The following PLCG2 variants were observed in gnomAD, a reference collection of about 807,000 sequenced individuals.
PLCG2 encodes the protein phospholipase C gamma 2.
PLCG2 carries 69 observed loss-of-function variants against 175.6 expected under a neutral mutation model. The ratio of observed to expected loss-of-function variants is 0.39; its 90% CI spans 0.32 to 0.48. The LOEUF (loss-of-function observed/expected upper bound fraction) is 0.48. Ranked by LOEUF, PLCG2 falls within the 20% of genes least tolerant of loss-of-function variation. The pLI, the probability that PLCG2 is intolerant of heterozygous loss-of-function variation, is 0.91. For synonymous variants in PLCG2, 827 were observed against 624.0 expected (o/e 1.33, Z -4.85); for missense variants, 1,798 against 1,650.9 (o/e 1.09, Z -1.54).
chr16:81,829,066 A>T (rs8057305), intron 2 of PLCG2, among the ~76,000 whole-genome samples: 2 of 151,904 alleles, frequency 1.3e-5, no homozygotes, highest in Non-Finnish European at 2.9e-5. Context: ...TCTTTTTTGT[A>T]TCTGTGATTT....
At chr16:81,790,630 C>T (rs1035455123) in intron 2 of PLCG2, among the ~76,000 whole-genome samples, 5 of 152,124 alleles carry the variant, frequency 3.3e-5, no homozygotes, top group Non-Finnish European at 5.9e-5. Flanking sequence ...AGAGGAGCAC[C>T]GGCACCTGGT....
chr16:81,865,346 C>T (rs1045796872), intron 5 of PLCG2, among the ~76,000 whole-genome samples: 4 of 152,118 alleles, frequency 2.6e-5, no homozygotes, highest in African/African-American at 9.7e-5. Context: ...TCGGGCTGTG[C>T]AGCACGACAC....
intron 2 of PLCG2, among the ~76,000 whole-genome samples, chr16:81,844,095 G>C (rs1905979688): frequency 6.8e-6 from 1 of 147,324 alleles, no homozygotes. Flanking sequence ...TCCTGCCTCA[G>C]CCTCCCGAGT....
chr16:81,780,509 C>A (rs1438747961), intron 1 of PLCG2, among the ~76,000 whole-genome samples: 2 of 152,196 alleles, frequency 1.3e-5, no homozygotes, highest in African/African-American at 4.8e-5. Context: ...CAAGCAGTTT[C>A]TCTTGCAAAG....
intron 2 of PLCG2, among the ~76,000 whole-genome samples, chr16:81,789,055 C>T (rs896880693): frequency 6.6e-6 from 1 of 152,202 alleles, no homozygotes; most frequent in African/African-American, 2.4e-5. Context: ...AGGGTATTAA[C>T]CATGGCATGT....
Position 81,921,996 on chromosome 16 carries a change from G to A in PLCG2, c.2307+727G>A, listed in dbSNP as rs148871695. Among the ~76,000 whole-genome samples, 1,144 of 152,308 alleles carry A rather than the reference G, an allele frequency of 7.5e-3. 12 individuals are homozygous for A. The highest frequency in any genetic ancestry group is 0.027 in the Admixed American group (408 of 15,296). On this transcript the variant is annotated intron_variant, in intron 21 of 32. Transcript: ENST00000564138. Reference sequence around the variant, plus strand: ...AGAGACCTTAGTAGCAAAAACTTTTGTTAGTAGTGAAGGATGTTTTGGCGA... The same window carrying A: ...AGAGACCTTAGTAGCAAAAACTTTTATTAGTAGTGAAGGATGTTTTGGCGA...
chr16:81,931,407 C>G, intron 24 of PLCG2, 90 bp from the exon 25 acceptor site: 1 of 1,306,324 alleles, frequency 7.7e-7, no homozygotes, highest in Non-Finnish European at 1.1e-6. Context: ...GTGGTTGGTC[C>G]ATGAGAGAAA....
chr16:81,856,367 C>A (rs1421364068), intron 3 of PLCG2, among the ~76,000 whole-genome samples: 3 of 152,162 alleles, frequency 2.0e-5, no homozygotes, highest in Non-Finnish European at 4.4e-5. Context: ...TGTTACACAG[C>A]CCTGAAGTGG....
intron 1 of PLCG2, among the ~76,000 whole-genome samples, chr16:81,742,484 A>C (rs1400846513): frequency 1.3e-5 from 2 of 152,110 alleles, no homozygotes; most frequent in Non-Finnish European, 2.9e-5. Flanking sequence ...GCCCCCATGC[A>C]GGGTGAAGGA....
intron 22 of PLCG2, among the ~76,000 whole-genome samples, chr16:81,924,635 G>A (rs980239429): frequency 6.6e-6 from 1 of 152,208 alleles, no homozygotes; most frequent in Non-Finnish European, 1.5e-5. Flanking sequence ...CTTGCAAGAT[G>A]CCTTAATCCA....
chr16:81,841,502 A>G (rs996654276), intron 2 of PLCG2, among the ~76,000 whole-genome samples: 1 of 152,128 alleles, frequency 6.6e-6, no homozygotes, highest in Non-Finnish European at 1.5e-5. Flanking sequence ...CGGCCTCCCA[A>G]GGTGCTGGGA....
Position 81,858,320 on chromosome 16 carries a change from A to T in PLCG2, c.395A>T (p.Glu132Val). ...WLSGLKILHQ[E>V]AMNASTPTII... ...TCTGGCTTGAAAATCTTACACCAGG[A>T]AGCGATGAATGCGTCCACGCCCACC... Residue 132 changes from glutamate (E) to valine (V), a missense_variant, in exon 4 of 33, where the codon GAA becomes GTA. Glu to Val is a moderately radical substitution (Grantham distance 121, BLOSUM62 -2). Coordinates refer to ENST00000564138, the MANE Select transcript of PLCG2 (RefSeq NM_002661.5). 1 of 1,614,060 alleles carries T rather than the reference A, an allele frequency of 6.2e-7. No homozygotes were observed. The highest frequency in any genetic ancestry group is 8.5e-7 in the Non-Finnish European group (1 of 1,179,914).
intron 8 of PLCG2, among the ~76,000 whole-genome samples, chr16:81,881,613 C>T (rs1183706650): frequency 6.6e-6 from 1 of 152,200 alleles, no homozygotes; most frequent in Non-Finnish European, 1.5e-5. Flanking sequence ...AACTCCAAGA[C>T]TCCAAAGTAT....
At chr16:81,819,452 G>T (rs922974789) in intron 2 of PLCG2, among the ~76,000 whole-genome samples, 2 of 152,196 alleles carry the variant, frequency 1.3e-5, no homozygotes, top group African/African-American at 4.8e-5. Flanking sequence ...GGGCACCCAG[G>T]AAGCCTGAGG....
rs1910623378 is a variant in PLCG2 at position 81,779,349 on chromosome 16, A to C, written c.-123A>C. The C allele has an allele frequency of 6.6e-6, 1 of 150,564 alleles. No homozygotes were observed. The highest frequency in any genetic ancestry group is 2.1e-4 in the South Asian group (1 of 4,822). The allele number at this position is 150,564 out of a possible 1,614,324, so 9.3% of individuals were successfully genotyped here. A position where few individuals can be genotyped will look rare whatever the true frequency, so the allele number is the denominator to read the frequency against. On this transcript the variant is annotated 5_prime_UTR_variant, in exon 1 of 33. Transcript: ENST00000564138. Reference sequence around the variant, plus strand: ...GCGGCGCTGAGTGACCCGAGTCGGGACGCGGGCTGCGCGCGCGGGACCCCG... The same window carrying C: ...GCGGCGCTGAGTGACCCGAGTCGGGCCGCGGGCTGCGCGCGCGGGACCCCG...
chr16:81,849,829 T>C (rs4889411), intron 2 of PLCG2, among the ~76,000 whole-genome samples: 117,821 of 149,784 alleles, frequency 0.79, 47,349 homozygotes, highest in Non-Finnish European at 0.87. Context: ...GACATTTTAC[T>C]GGGAAAGAGA....
At chr16:81,798,835 G>A (rs548487854) in intron 2 of PLCG2, 1 of 152,534 alleles carries the variant, frequency 6.6e-6, no homozygotes, top group East Asian at 1.9e-4. Flanking sequence ...CCCGGCCTCA[G>A]GACTTCAGGG....
At chr16:81,772,897 C>T (rs937586838) in intron 2 of PLCG2, among the ~76,000 whole-genome samples, 4 of 152,212 alleles carry the variant, frequency 2.6e-5, no homozygotes, top group African/African-American at 9.6e-5. Context: ...CGGATGCCTT[C>T]TTGCTCTGTG....
At chr16:81,829,967 C>T (rs375246761) in intron 2 of PLCG2, among the ~76,000 whole-genome samples, 6 of 152,006 alleles carry the variant, frequency 3.9e-5, no homozygotes, top group Non-Finnish European at 5.9e-5. Flanking sequence ...CAGGCACTTT[C>T]CTGCTGTGGA....
Sources: allele counts gnomAD v4.1 joint callset (sites outside exome capture counted in the v4.1 genomes callset), GRCh38; gene constraint gnomAD v4.1.1; transcripts MANE v1.5; gene names NCBI Gene and HGNC (gene_info 2026-07-23, HGNC 2026-07-21).